Variants in DPP10 observed in about 807,000 individuals in gnomAD.
DPP10 encodes inactive dipeptidyl peptidase 10.
In DPP10, 33 loss-of-function variants were observed where a neutral mutation model predicts 120.9. The ratio of observed to expected loss-of-function variants is 0.27; its 90% CI spans 0.21 to 0.37. The LOEUF (loss-of-function observed/expected upper bound fraction) is 0.37, where lower values mean the gene tolerates loss of function less well. DPP10 is among the 10% of genes least tolerant of loss of function. The probability of loss-of-function intolerance (pLI) is 1.00; values close to 1 mark genes in which losing one functional copy is unlikely to be tolerated. For missense variants in DPP10, 816 were observed against 942.8 expected (o/e 0.87, Z 1.76); for synonymous variants, 337 against 326.1 (o/e 1.03, Z -0.36).
intron 1 of DPP10, among the ~76,000 whole-genome samples, chr2:114,460,145 T>G (rs975010888): frequency 6.6e-6 from 1 of 151,994 alleles, no homozygotes; most frequent in Non-Finnish European, 1.5e-5. Context: ...AATCATTCCA[T>G]AGCAACCGAA....
At chr2:114,514,356 A>G (rs142987464) in intron 1 of DPP10, among the ~76,000 whole-genome samples, 1 of 152,152 alleles carries the variant, frequency 6.6e-6, no homozygotes, top group Admixed American at 6.5e-5. Context: ...CCATGACTAG[A>G]CCTTGGTGTC....
chr2:115,594,879 C>T (rs2082894910), intron 5 of DPP10, among the ~76,000 whole-genome samples: 1 of 152,044 alleles, frequency 6.6e-6, no homozygotes, highest in Admixed American at 6.6e-5. Flanking sequence ...TGAGACATAT[C>T]AGAATTATAG....
intron 5 of DPP10, among the ~76,000 whole-genome samples, chr2:115,602,877 A>G (rs1279410078): frequency 2.6e-5 from 4 of 152,194 alleles, no homozygotes; most frequent in African/African-American, 9.7e-5. Context: ...CATAAAGCAT[A>G]TCCCTCTCTT....
chr2:115,221,988 G>C (rs1457896360), intron 1 of DPP10, among the ~76,000 whole-genome samples: 1 of 151,998 alleles, frequency 6.6e-6, no homozygotes, highest in African/African-American at 2.4e-5. Context: ...TTAAACTCTA[G>C]GATTTGGAGA....
At chr2:115,416,943 C>A (rs572122532) in intron 3 of DPP10, among the ~76,000 whole-genome samples, 1 of 152,246 alleles carries the variant, frequency 6.6e-6, no homozygotes, top group African/African-American at 2.4e-5. Flanking sequence ...AGCGAGCATA[C>A]CCCTAGCTGT....
chr2:115,531,148 G>GTTTTT lies in DPP10; in HGVS notation c.441+5187_441+5191dup, dbSNP rs58542777. Among the ~76,000 whole-genome samples, 2 of 125,874 alleles carry GTTTTT rather than the reference G, an allele frequency of 1.6e-5. 1 individual carries two copies. The highest frequency in any genetic ancestry group is 3.7e-5 in the Non-Finnish European group (2 of 54,518). The allele number at this position is 125,874 out of a possible 152,430, so 82.6% of individuals were successfully genotyped here. A position where few individuals can be genotyped will look rare whatever the true frequency, so the allele number is the denominator to read the frequency against. On this transcript the variant is annotated intron_variant, in intron 5 of 25. Transcript: ENST00000410059. Reference sequence around the variant, plus strand: ...CTTACCTAATATGATTCAAGATTGAGTTTTTTTTTTTTTTTCCTGAAACAG... The same window carrying GTTTTT: ...CTTACCTAATATGATTCAAGATTGAGTTTTTTTTTTTTTTTTTTTTCCTGAAACAG...
chr2:115,053,237 G>GTTCA, intron 1 of DPP10, among the ~76,000 whole-genome samples: 1 of 152,178 alleles, frequency 6.6e-6, no homozygotes, highest in South Asian at 2.1e-4. Flanking sequence ...GCTGATGAAT[G>GTTCA]GGTAAACAAT....
intron 1 of DPP10, among the ~76,000 whole-genome samples, chr2:114,799,142 A>G (rs1262262124): frequency 6.6e-6 from 1 of 152,238 alleles, no homozygotes; most frequent in Non-Finnish European, 1.5e-5. Flanking sequence ...GAGAAAAAAA[A>G]TTAAAAAGTT....
At chr2:114,520,148 C>T (rs1820925) in intron 1 of DPP10, among the ~76,000 whole-genome samples, 121,795 of 152,238 alleles carry the variant, frequency 0.8, 48,870 homozygotes, top group Admixed American at 0.86. Flanking sequence ...TTATGGATGA[C>T]AGAAATGCAG....
intron 3 of DPP10, among the ~76,000 whole-genome samples, chr2:115,355,426 G>A (rs878957855): frequency 6.6e-6 from 1 of 152,016 alleles, no homozygotes; most frequent in African/African-American, 2.4e-5. Flanking sequence ...TTGTAAAGTT[G>A]TTTAAGTTCC....
chr2:115,369,267 A>G (rs1248725990), intron 3 of DPP10, among the ~76,000 whole-genome samples: 1 of 152,110 alleles, frequency 6.6e-6, no homozygotes, highest in Non-Finnish European at 1.5e-5. Context: ...TCAAAAGTAC[A>G]TGAAAGAAAA....
chr2:115,764,298 T>C (rs1014285326), intron 12 of DPP10, among the ~76,000 whole-genome samples: 17 of 152,152 alleles, frequency 1.1e-4, no homozygotes, highest in African/African-American at 4.1e-4. Context: ...TAATTGTTTG[T>C]CTGAAGGGTA....
At position 115,836,580 on chromosome 2, in the gene DPP10, A is replaced by T. The variant is rs762413128; in HGVS notation, c.2109+15A>T. 1.9e-6 allele frequency: 3 copies of T among 1,612,898 alleles called. No individual in the cohort carries two copies. Among genetic ancestry groups the T allele is most frequent in the Non-Finnish European group, 2.5e-6 (3 of 1,179,630 alleles). On this transcript the variant is annotated intron_variant, in intron 23 of 25. Coordinates refer to ENST00000410059, the MANE Select transcript of DPP10 (RefSeq NM_020868.6). ...GCACTTACCAGGTAACTAATTTGAA[A>T]ATAACAAAGAAAGAGGAGTATTTTT...
chr2:114,566,141 G>GT (rs1689183145), intron 1 of DPP10, among the ~76,000 whole-genome samples: 2 of 152,098 alleles, frequency 1.3e-5, no homozygotes, highest in Non-Finnish European at 2.9e-5. Flanking sequence ...TATCAGAAGC[G>GT]TTTTTTCCTT....
chr2:114,568,116 T>G (rs888429692), intron 1 of DPP10, among the ~76,000 whole-genome samples: 4 of 151,164 alleles, frequency 2.6e-5, no homozygotes, highest in Non-Finnish European at 4.4e-5. Context: ...GATTTGAGCA[T>G]AGGCCATACT....
chr2:114,940,465 C>A (rs1437955301), intron 1 of DPP10, among the ~76,000 whole-genome samples: 1 of 151,724 alleles, frequency 6.6e-6, no homozygotes, highest in Admixed American at 6.6e-5. Flanking sequence ...AACAGACTGA[C>A]CTGAAATATA....
chr2:114,461,069 C>T (rs1678884902), intron 1 of DPP10, among the ~76,000 whole-genome samples: 1 of 152,166 alleles, frequency 6.6e-6, no homozygotes, highest in Admixed American at 6.5e-5. Context: ...TAGTGCTTGG[C>T]AACAAATACA....
chr2:114,536,738 TCTCTGGGC>T (rs1273668111), intron 1 of DPP10, among the ~76,000 whole-genome samples: 2 of 152,154 alleles, frequency 1.3e-5, no homozygotes, highest in East Asian at 3.8e-4. Context: ...CTGTTTAATT[TCTCTGGGC>T]CTCAGCTATG....
At chr2:115,238,893 A>G (rs1233499099) in intron 1 of DPP10, among the ~76,000 whole-genome samples, 1 of 152,182 alleles carries the variant, frequency 6.6e-6, no homozygotes, top group Non-Finnish European at 1.5e-5. Flanking sequence ...ACAAGGTCCC[A>G]TCATAGGCCA....
Sources: gnomAD v4.1 joint callset for allele counts (sites outside exome capture counted in the v4.1 genomes callset) on GRCh38, gnomAD v4.1.1 for gene constraint, MANE v1.5 for transcripts, NCBI Gene and HGNC (gene_info 2026-07-23, HGNC 2026-07-21) for gene names.